Variants in PTPN21 observed in about 807,000 individuals in gnomAD.
PTPN21 encodes tyrosine-protein phosphatase non-receptor type 21.
Under a neutral mutation model 131.8 loss-of-function variants are expected in PTPN21, and 77 were observed. The ratio of observed to expected loss-of-function variants is 0.58; its 90% CI spans 0.49 to 0.71. The LOEUF (loss-of-function observed/expected upper bound fraction) is 0.71. PTPN21 is among the 30% of genes least tolerant of loss of function. The pLI is 0.00. For synonymous variants in PTPN21, 715 were observed against 621.3 expected (o/e 1.15, Z -2.24); for missense variants, 1,552 against 1,527.1 (o/e 1.02, Z -0.27).
Position 88,479,669 on chromosome 14 carries a change from T to C in PTPN21, c.1762A>G (p.Ser588Gly), listed in dbSNP as rs774031073. The C allele has an allele frequency of 6.6e-7, 1 of 1,516,698 alleles. No homozygotes were observed. The highest frequency in any genetic ancestry group is 1.3e-5 in the South Asian group (1 of 79,474). The allele number at this position is 1,516,698 out of a possible 1,614,324, so 94.0% of individuals were successfully genotyped here. A position where few individuals can be genotyped will look rare whatever the true frequency, so the allele number is the denominator to read the frequency against. ...TPDLSRHLYI[S>G]SSNPDLITRR... Reference sequence around the variant, plus strand: ...GTGATGAGGTCGGGGTTGCTGCTGCTGATGTAAAGGTGGCGGGACAGGTCT... The same window carrying C: ...GTGATGAGGTCGGGGTTGCTGCTGCCGATGTAAAGGTGGCGGGACAGGTCT... Residue 588 changes from serine (S) to glycine (G), a missense_variant, in exon 13 of 19, where the codon AGC (serine) becomes GGC (glycine). Ser to Gly is a moderately conservative substitution (Grantham distance 56). Transcript: ENST00000556564.
intron 8 of PTPN21, 147 bp downstream of exon 8, chr14:88,500,636 G>A (rs1315902630): frequency 1.6e-6 from 1 of 619,290 alleles, no homozygotes. Context: ...GCATTCAGAT[G>A]GTATTTTTTT....
intron 11 of PTPN21, among the ~76,000 whole-genome samples, chr14:88,485,511 T>C (rs1421639188): frequency 6.6e-6 from 1 of 152,104 alleles, no homozygotes; most frequent in Non-Finnish European, 1.5e-5. Context: ...GCATCTAGTA[T>C]TTTAAATATA....
intron 2 of PTPN21, among the ~76,000 whole-genome samples, chr14:88,531,553 T>G (rs186711739): frequency 1.6e-3 from 243 of 151,986 alleles, no homozygotes; most frequent in Middle Eastern, 3.4e-3. Context: ...TGAGACTCCA[T>G]CTCAAAAAAA....
chr14:88,468,253 G>T lies in PTPN21; in HGVS notation c.3409C>A (p.Pro1137Thr). 2 of 1,605,482 alleles carry T rather than the reference G, an allele frequency of 1.2e-6. No individual in the cohort carries two copies. Among genetic ancestry groups the T allele is most frequent in the Non-Finnish European group, 1.7e-6 (2 of 1,175,996 alleles). ...CLEHNEVLDIPRVLDMLRQQR... is the reference protein window; with the variant it reads ...CLEHNEVLDITRVLDMLRQQR... ...TGCCTCAGCATGTCCAGCACTCTCG[G>T]GATGTCCAGCACCTAGGTTGAGAGA... The change falls in exon 19 of 19, where the codon CCG (proline) becomes ACG (threonine). Residue 1137 changes from proline to threonine, a missense_variant. By Grantham distance (38) the Pro-to-Thr change is conservative. Coordinates refer to ENST00000556564, the MANE Select transcript of PTPN21 (RefSeq NM_007039.4).
At chr14:88,498,315 G>T (rs375958467) in intron 8 of PTPN21, among the ~76,000 whole-genome samples, 3 of 151,810 alleles carry the variant, frequency 2.0e-5, no homozygotes, top group African/African-American at 7.3e-5. Flanking sequence ...AAAAAACAGT[G>T]GTTTTAATCA....
intron 3 of PTPN21, chr14:88,513,988 A>G (rs2078224433): frequency 6.6e-6 from 1 of 152,264 alleles, no homozygotes; most frequent in African/African-American, 2.4e-5. Flanking sequence ...CATACCAGGT[A>G]CACAGTATGC....
intron 3 of PTPN21, among the ~76,000 whole-genome samples, chr14:88,511,338 A>G (rs956916450): frequency 6.6e-6 from 1 of 152,118 alleles, no homozygotes; most frequent in Admixed American, 6.6e-5. Flanking sequence ...AAATTTCTAT[A>G]TATTGGTGGG....
At chr14:88,500,924 TGCTG>T in intron 7 of PTPN21, 53 bp from the exon 8 acceptor site, 2 of 1,313,334 alleles carry the variant, frequency 1.5e-6, no homozygotes, top group Non-Finnish European at 2.2e-6. Flanking sequence ...GCAGAGGAAC[TGCTG>T]CTAGAGTTCC....
intron 2 of PTPN21, among the ~76,000 whole-genome samples, chr14:88,525,002 G>T (rs2078453494): frequency 6.6e-6 from 1 of 152,064 alleles, no homozygotes; most frequent in South Asian, 2.1e-4. Context: ...TAACATTTTG[G>T]GAGGCTGAGG....
At chr14:88,506,030 G>C (rs1193334623) in intron 4 of PTPN21, among the ~76,000 whole-genome samples, 1 of 152,070 alleles carries the variant, frequency 6.6e-6, no homozygotes, top group African/African-American at 2.4e-5. Flanking sequence ...GTTATTGTTT[G>C]AAATAATGCC....
At position 88,546,433 on chromosome 14, in the gene PTPN21, G is replaced by A. The variant is rs139843328; in HGVS notation, c.180+3805C>T. Among the ~76,000 whole-genome samples the A allele has an allele frequency of 4.7e-3, 714 of 151,514 alleles. 7 individuals carry two copies. Among genetic ancestry groups the A allele is most frequent in the South Asian group, 0.027 (130 of 4,750 alleles). ...AAATACAAAAATACAAAAATTAGCC[G>A]GGCATGGTGGTAGGCACCTGTAATC... On this transcript the variant is annotated intron_variant, in intron 2 of 18. Transcript: ENST00000556564.
chr14:88,533,526 A>T (rs990488201), intron 2 of PTPN21, among the ~76,000 whole-genome samples: 3 of 152,168 alleles, frequency 2.0e-5, no homozygotes, highest in African/African-American at 7.2e-5. Context: ...ATAATAAATG[A>T]CTATGTTACT....
At chr14:88,489,711 A>C (rs1223956202) in intron 10 of PTPN21, among the ~76,000 whole-genome samples, 1 of 152,166 alleles carries the variant, frequency 6.6e-6, no homozygotes, top group African/African-American at 2.4e-5. Flanking sequence ...TGTTTGTCTC[A>C]ATGACTTACA....
At chr14:88,478,182 C>T (rs2077575577) in intron 13 of PTPN21, among the ~76,000 whole-genome samples, 1 of 152,174 alleles carries the variant, frequency 6.6e-6, no homozygotes, top group African/African-American at 2.4e-5. Flanking sequence ...AGGATGGTAG[C>T]TAGAGATGAT....
In PTPN21 at chr14:88,520,024, TATTA is replaced by T. The variant is rs574374848; in HGVS notation, c.181-2767_181-2764del. ...GAGGGTTTCTTGGGCCCTAAAAAGC[TATTA>T]ATCTCCTAGGTATTTCTTGGGTCCT... On this transcript the variant is annotated intron_variant, in intron 2 of 18. Coordinates refer to ENST00000556564, the MANE Select transcript of PTPN21 (RefSeq NM_007039.4). 3.0e-3 allele frequency among the ~76,000 whole-genome samples: 461 copies of T among 152,340 alleles called. 3 individuals are homozygous for T. The highest frequency in any genetic ancestry group is 4.7e-3 in the Non-Finnish European group (323 of 68,022).
chr14:88,476,046 T>C (rs1595345398), intron 13 of PTPN21, among the ~76,000 whole-genome samples: 3 of 152,334 alleles, frequency 2.0e-5, no homozygotes, highest in South Asian at 2.1e-4. Flanking sequence ...TATGTAGATA[T>C]ATGAGCACCC....
chr14:88,483,589 C>T lies in PTPN21; in HGVS notation c.1078+1487G>A, dbSNP rs562166265. On this transcript the variant is annotated intron_variant, in intron 12 of 18. Transcript: ENST00000556564. ...TGGTCCCTTCATGCATCACTCCCTA[C>T]CAGTTCCTTACCCGAGAGGAAACCT... is the stretch of plus-strand genomic sequence containing the variant. Among the ~76,000 whole-genome samples the T allele has an allele frequency of 2.0e-5, 3 of 152,272 alleles. No homozygotes were observed. The East Asian group carries it at 5.8e-4, about 29-fold the overall frequency.
intron 2 of PTPN21, among the ~76,000 whole-genome samples, chr14:88,534,218 T>G (rs183854570): frequency 0.017 from 2,014 of 118,730 alleles, 21 homozygotes; most frequent in Non-Finnish European, 0.023. Flanking sequence ...TGCTAAAAAT[T>G]AAAAAAAAGG....
At chr14:88,501,800 G>A (rs1239860979) in intron 6 of PTPN21, among the ~76,000 whole-genome samples, 1 of 150,798 alleles carries the variant, frequency 6.6e-6, no homozygotes. Context: ...GCAACATAGT[G>A]AGACCCTGTC....
Sources: allele counts gnomAD v4.1 joint callset (sites outside exome capture counted in the v4.1 genomes callset), GRCh38; gene constraint gnomAD v4.1.1; transcripts MANE v1.5; gene names NCBI Gene and HGNC (gene_info 2026-07-23, HGNC 2026-07-21).